PCCA: variants seen among roughly 807,000 people sequenced by gnomAD.
PCCA encodes propionyl-CoA carboxylase subunit alpha.
PCCA carries 74 observed loss-of-function variants against 101.3 expected under a neutral mutation model. The ratio of observed to expected loss-of-function variants is 0.73; its 90% CI spans 0.61 to 0.89. The LOEUF (loss-of-function observed/expected upper bound fraction) is 0.89, where lower values mean the gene tolerates loss of function less well. Among genes scored for constraint, PCCA ranks in the 40% least tolerant of loss-of-function variants. The probability of loss-of-function intolerance (pLI) is 0.00; values close to 1 mark genes in which losing one functional copy is unlikely to be tolerated. For missense variants in PCCA, 891 were observed against 907.0 expected (o/e 0.98, Z 0.23); for synonymous variants, 294 against 313.6 (o/e 0.94, Z 0.66).
chr13:100,390,216 T>C (rs2076733660), intron 19 of PCCA, among the ~76,000 whole-genome samples: 1 of 152,224 alleles, frequency 6.6e-6, no homozygotes, highest in African/African-American at 2.4e-5. Flanking sequence ...GTAGTCAACA[T>C]GTACAATCTA....
chr13:100,185,797 G>A (rs2057210442), intron 6 of PCCA, among the ~76,000 whole-genome samples: 1 of 152,044 alleles, frequency 6.6e-6, no homozygotes, highest in Non-Finnish European at 1.5e-5. Context: ...ACAGGCATGT[G>A]CCACCCCGCC....
At chr13:100,381,577 A>G (rs964672493) in intron 19 of PCCA, among the ~76,000 whole-genome samples, 5 of 152,352 alleles carry the variant, frequency 3.3e-5, no homozygotes, top group Middle Eastern at 3.4e-3. Flanking sequence ...GAATATTTAT[A>G]TAAGTATTTA....
intron 6 of PCCA, among the ~76,000 whole-genome samples, chr13:100,184,119 G>A (rs897813562): frequency 6.6e-6 from 1 of 152,176 alleles, no homozygotes; most frequent in Admixed American, 6.5e-5. Flanking sequence ...ATGGTGGAGG[G>A]CAAAGAGGAA....
At chr13:100,138,555 T>A (rs1031158625) in intron 4 of PCCA, among the ~76,000 whole-genome samples, 6 of 152,216 alleles carry the variant, frequency 3.9e-5, no homozygotes, top group Admixed American at 6.5e-5. Context: ...TTCCTTCTAA[T>A]GTTATTTTCC....
intron 10 of PCCA, among the ~76,000 whole-genome samples, chr13:100,263,871 GTATA>G (rs561961229): frequency 7.0e-6 from 1 of 142,038 alleles, no homozygotes; most frequent in African/African-American, 2.6e-5. Context: ...TCTGTATATC[GTATA>G]TATATGGTAT....
rs1380656346 is a variant in PCCA at position 100,116,251 on chromosome 13, A to G, written c.300+4190A>G. On this transcript the variant is annotated intron_variant, in intron 4 of 23. Transcript: ENST00000376285. ...AATGTAACTTGGAGTAAAAAACTTT[A>G]TAGGCTTTGTATGTTAATTTCACAT... is the stretch of plus-strand genomic sequence containing the variant. 2.6e-5 allele frequency among the ~76,000 whole-genome samples: 4 copies of G among 152,212 alleles called. No individual in the cohort carries two copies. In the East Asian group the frequency reaches 7.7e-4, roughly 29 times the overall value.
At position 100,530,256 on chromosome 13, in the gene PCCA, C is replaced by A; in HGVS notation, c.*90C>A. The A allele has an allele frequency of 2.0e-6, 2 of 1,006,690 alleles. No individual in the cohort carries two copies. The highest frequency in any genetic ancestry group is 3.1e-6 in the Non-Finnish European group (2 of 635,248). The allele number at this position is 1,006,690 out of a possible 1,614,324, so 62.4% of individuals were successfully genotyped here. A position where few individuals can be genotyped will look rare whatever the true frequency, so the allele number is the denominator to read the frequency against. On this transcript the variant is annotated 3_prime_UTR_variant, in exon 24 of 24. Transcript: ENST00000376285. The stretch of plus-strand genomic sequence containing the variant: ...AATTGATTCAAGCATTATACAGGAA[C>A]ACCCCTGTGCAGCTACGTTTACGTC...
rs72658572 is a variant in PCCA, at chr13:100,357,695, C to A, written c.1644-10777C>A. Among the ~76,000 whole-genome samples, 1,430 of 152,284 alleles carry A rather than the reference C, an allele frequency of 9.4e-3. 13 individuals carry two copies. Among genetic ancestry groups the A allele is most frequent in the Non-Finnish European group, 0.013 (918 of 68,014 alleles). ...AAATACGACCCCTAAAAGAAGAAAA[C>A]TACACCAGTGAGATGCACATTTATG... is the stretch of plus-strand genomic sequence containing the variant. On this transcript the variant is annotated intron_variant, in intron 18 of 23. Transcript: ENST00000376285.
intron 12 of PCCA, among the ~76,000 whole-genome samples, chr13:100,279,982 G>C (rs1292810543): frequency 1.4e-5 from 2 of 146,370 alleles, no homozygotes; most frequent in Non-Finnish European, 3.0e-5. Flanking sequence ...ACTTTTTCCA[G>C]CTTCAGAACT....
intron 19 of PCCA, among the ~76,000 whole-genome samples, chr13:100,382,364 GC>G (rs1399304942): frequency 2.0e-5 from 3 of 152,108 alleles, no homozygotes; most frequent in African/African-American, 4.8e-5. Context: ...TCTCCTCTCT[GC>G]TGATTGAGTC....
chr13:100,449,171 T>A lies in PCCA; in HGVS notation c.1846-81T>A, dbSNP rs1325592360. On this transcript the variant is annotated intron_variant, in intron 20 of 23. Coordinates refer to ENST00000376285, the MANE Select transcript of PCCA (RefSeq NM_000282.4). Reference sequence around the variant, plus strand: ...TACCCATCCATCAGTTGATGGACATTTGGGTTTTTTGGCTATCGTGAACAT... The same window carrying A: ...TACCCATCCATCAGTTGATGGACATATGGGTTTTTTGGCTATCGTGAACAT... The A allele has an allele frequency of 5.2e-6, 4 of 768,132 alleles. No homozygotes were observed. In the East Asian group the frequency reaches 1.1e-4, roughly 21 times the overall value. The allele number at this position is 768,132 out of a possible 1,614,324, so 47.6% of individuals were successfully genotyped here. A position where few individuals can be genotyped will look rare whatever the true frequency, so the allele number is the denominator to read the frequency against.
intron 20 of PCCA, among the ~76,000 whole-genome samples, chr13:100,440,158 A>T (rs1437788494): frequency 0.01 from 13 of 1,276 alleles, no homozygotes; most frequent in African/African-American, 0.041. Flanking sequence ...GTATTAAATT[A>T]TATATATATA....
intron 18 of PCCA, among the ~76,000 whole-genome samples, chr13:100,368,199 A>G (rs2075335591): frequency 6.6e-6 from 1 of 152,096 alleles, no homozygotes; most frequent in South Asian, 2.1e-4. Flanking sequence ...TACTTATTTC[A>G]TTGTAATTTT....
chr13:100,165,574 C>G (rs145372867), intron 6 of PCCA, among the ~76,000 whole-genome samples: 1 of 152,094 alleles, frequency 6.6e-6, no homozygotes, highest in African/African-American at 2.4e-5. Context: ...ACTACAAATG[C>G]CAGTAGATTC....
chr13:100,431,986 T>C (rs1253496329), intron 20 of PCCA, among the ~76,000 whole-genome samples: 1 of 152,082 alleles, frequency 6.6e-6, no homozygotes, highest in Non-Finnish European at 1.5e-5. Context: ...GGTAAGGCGT[T>C]TGATACCAGA....
intron 6 of PCCA, among the ~76,000 whole-genome samples, chr13:100,165,064 C>T (rs1209825566): frequency 6.6e-6 from 1 of 152,172 alleles, no homozygotes; most frequent in Non-Finnish European, 1.5e-5. Context: ...TTTGTTTCTT[C>T]ATCACCTGTT....
At chr13:100,517,423 T>C (rs1197024689) in intron 22 of PCCA, among the ~76,000 whole-genome samples, 1 of 152,208 alleles carries the variant, frequency 6.6e-6, no homozygotes, top group African/African-American at 2.4e-5. Flanking sequence ...ATTTCGTAAA[T>C]GGGAACAATG....
chr13:100,213,092 T>G (rs2059320701), intron 7 of PCCA, among the ~76,000 whole-genome samples: 1 of 152,242 alleles, frequency 6.6e-6, no homozygotes, highest in African/African-American at 2.4e-5. Flanking sequence ...GGCTGAATAG[T>G]ACTCCATTGT....
chr13:100,152,256 A>G (rs2053414655), intron 4 of PCCA, among the ~76,000 whole-genome samples: 2 of 152,146 alleles, frequency 1.3e-5, no homozygotes, highest in African/African-American at 2.4e-5. Context: ...GAAGCCAACC[A>G]ATCCTTTATA....
Sources: gnomAD v4.1 joint callset for allele counts (sites outside exome capture counted in the v4.1 genomes callset) on GRCh38, gnomAD v4.1.1 for gene constraint, MANE v1.5 for transcripts, NCBI Gene and HGNC (gene_info 2026-07-23, HGNC 2026-07-21) for gene names.